The following GARIN1A variants were observed in gnomAD, a reference collection of about 807,000 sequenced individuals.
GARIN1A encodes golgi associated RAB2 interactor 1A.
the GARIN1A span, among the ~76,000 whole-genome samples, chr7:128,676,515 C>A: frequency 6.6e-6 from 1 of 151,554 alleles, no homozygotes; most frequent in African/African-American, 2.4e-5. Context: ...TTGTAAATAT[C>A]ATTTCGATAA....
chr7:128,686,885 A>G, the GARIN1A span: 1 of 139,492 alleles, frequency 7.2e-6, no homozygotes, highest in Middle Eastern at 3.7e-3. Flanking sequence ...CAAAAAAAAA[A>G]AAAATATATC....
chr7:128,706,469 A>G, the GARIN1A span, among the ~76,000 whole-genome samples: 2 of 152,010 alleles, frequency 1.3e-5, no homozygotes, highest in Non-Finnish European at 2.9e-5. Flanking sequence ...TCATGCACCT[A>G]TAACTATATA....
chr7:128,675,565 C>G, the GARIN1A span: 2 of 1,113,524 alleles, frequency 1.8e-6, no homozygotes, highest in Non-Finnish European at 2.6e-6. Context: ...CAGGGCCCAG[C>G]CCAGTGTGTG....
At chr7:128,682,974 A>C in the GARIN1A span, 3 of 1,598,890 alleles carry the variant, frequency 1.9e-6, no homozygotes, top group Non-Finnish European at 2.6e-6. Flanking sequence ...GAACAATGAC[A>C]CTGCCATTGA....
At chr7:128,678,813 AAAG>A in the GARIN1A span, among the ~76,000 whole-genome samples, 5 of 147,622 alleles carry the variant, frequency 3.4e-5, no homozygotes, top group Admixed American at 6.9e-5. Flanking sequence ...AAAAAAAAAA[AAAG>A]ATTAGTATGT....
At chr7:128,685,164 G>C in the GARIN1A span, 1 of 152,396 alleles carries the variant, frequency 6.6e-6, no homozygotes, top group East Asian at 1.9e-4. Context: ...GCCTCCCAAA[G>C]TGCTGGGATT....
At chr7:128,705,655 G>GTTTTTTTTTTTTTT in the GARIN1A span, among the ~76,000 whole-genome samples, 1 of 61,498 alleles carries the variant, frequency 1.6e-5, no homozygotes, top group Non-Finnish European at 2.8e-5. Flanking sequence ...TTTTTTTGGT[G>GTTTTTTTTTTTTTT]TTTTTTTTTT....
chr7:128,706,499 C>A, the GARIN1A span, among the ~76,000 whole-genome samples: 1 of 152,014 alleles, frequency 6.6e-6, no homozygotes, highest in Non-Finnish European at 1.5e-5. Context: ...CTCTCTCTCT[C>A]TATTTATTTA....
At chr7:128,700,222 T>C in the GARIN1A span, among the ~76,000 whole-genome samples, 1 of 152,090 alleles carries the variant, frequency 6.6e-6, no homozygotes, top group Non-Finnish European at 1.5e-5. Context: ...TAATCTTCAA[T>C]TATTCTTGCT....
the GARIN1A span, among the ~76,000 whole-genome samples, chr7:128,682,008 G>T: frequency 7.9e-5 from 12 of 151,450 alleles, no homozygotes; most frequent in East Asian, 2.0e-3. Flanking sequence ...ACACTTGCTT[G>T]CTCTCTCTCA....
the GARIN1A span, chr7:128,683,174 A>G: frequency 6.3e-7 from 1 of 1,589,830 alleles, no homozygotes; most frequent in Non-Finnish European, 8.6e-7. Context: ...TAGGCAAAAC[A>G]TGCTCTTCCT....
At chr7:128,703,692 G>A in the GARIN1A span, among the ~76,000 whole-genome samples, 7 of 152,148 alleles carry the variant, frequency 4.6e-5, no homozygotes, top group Non-Finnish European at 8.8e-5. Context: ...CAGGAGGATC[G>A]CTTGAGCAGA....
chr7:128,706,100 A>G, the GARIN1A span, among the ~76,000 whole-genome samples: 1 of 152,208 alleles, frequency 6.6e-6, no homozygotes, highest in Non-Finnish European at 1.5e-5. Flanking sequence ...GTAACTCATT[A>G]CTGTCATTAT....
the GARIN1A span, chr7:128,683,138 A>G: frequency 6.2e-7 from 1 of 1,611,254 alleles, no homozygotes; most frequent in Non-Finnish European, 8.5e-7. Context: ...GTTACCTAGG[A>G]GAGCACTTCT....
At chr7:128,672,215 A>C in the GARIN1A span, 2 of 528,490 alleles carry the variant, frequency 3.8e-6, no homozygotes, top group Non-Finnish European at 3.3e-6. Flanking sequence ...TCACCATCAC[A>C]TTCCTTGATG....
At chr7:128,680,141 A>G in the GARIN1A span, 3,534 of 1,555,520 alleles carry the variant, frequency 2.3e-3, 9 homozygotes, top group Non-Finnish European at 2.7e-3. Flanking sequence ...CCCAGCTCAC[A>G]GCAGACAGGT....
the GARIN1A span, chr7:128,672,551 G>A: frequency 4.4e-6 from 7 of 1,598,038 alleles, no homozygotes; most frequent in Admixed American, 1.7e-5. Context: ...CTTTATCCAG[G>A]TACCCTCGTG....
the GARIN1A span, among the ~76,000 whole-genome samples, chr7:128,674,964 G>A: frequency 6.6e-6 from 1 of 152,082 alleles, no homozygotes; most frequent in Non-Finnish European, 1.5e-5. Flanking sequence ...TTGGGAGAAG[G>A]CCCTCTGGCC....
the GARIN1A span, among the ~76,000 whole-genome samples, chr7:128,690,250 C>T: frequency 9.9e-5 from 15 of 152,194 alleles, no homozygotes; most frequent in Non-Finnish European, 2.2e-4. Context: ...ATCTCAAGTA[C>T]TCAGGGACAC....
Sources: gnomAD v4.1 joint callset for allele counts (sites outside exome capture counted in the v4.1 genomes callset) on GRCh38, gnomAD v4.1.1 for gene constraint, MANE v1.5 for transcripts, NCBI Gene and HGNC (gene_info 2026-07-23, HGNC 2026-07-21) for gene names.